The following TKFC variants were observed in gnomAD, a reference collection of about 807,000 sequenced individuals.
TKFC encodes triokinase/FMN cyclase.
Under a neutral mutation model 61.0 loss-of-function variants are expected in TKFC, and 46 were observed. That is an observed-to-expected ratio of 0.75 (90% confidence interval 0.60 to 0.96). TKFC has a LOEUF of 0.96. Among genes scored for constraint, TKFC ranks in the 50% least tolerant of loss-of-function variants. TKFC has a pLI of 0.00. For missense variants in TKFC, 715 were observed against 777.5 expected, an observed-to-expected ratio of 0.92 and a Z score of 0.96; for synonymous variants, 314 against 330.1, an observed-to-expected ratio of 0.95 and a Z score of 0.53.
At chr11:61,339,597 T>C (rs1856772087) in intron 5 of TKFC, 162 bp downstream of exon 5, 1 of 770,390 alleles carries the variant, frequency 1.3e-6, no homozygotes, top group Non-Finnish European at 2.0e-6. Context: ...CTCAGCTACC[T>C]AAGCCCAGAT....
Position 61,345,901 on chromosome 11 carries a change from G to A in TKFC, c.1530G>A (p.Lys510=), listed in dbSNP as rs765556317. The A allele has an allele frequency of 3.7e-6, 6 of 1,614,154 alleles. No individual in the cohort carries two copies. The Admixed American group carries it at 1.0e-4, about 27-fold the overall frequency. The stretch of plus-strand genomic sequence containing the variant: ...CGGGGCAGGAGCTCCAAGCCTGGAA[G>A]AGCCCAGGAGCTGATCTGTTACAAG... ...WAAGQELQAW[K]SPGADLLQVL... The change falls in exon 17 of 18, where the codon AAG becomes AAA. Residue 510 remains lysine, a synonymous_variant. Coordinates refer to ENST00000394900, the MANE Select transcript of TKFC (RefSeq NM_015533.4).
Position 61,347,671 on chromosome 11 carries a change from C to G in TKFC, c.*1168C>G. 2.0e-6 allele frequency: 2 copies of G among 985,396 alleles called. No individual in the cohort carries two copies. Among genetic ancestry groups the G allele is most frequent in the Non-Finnish European group, 2.4e-6 (2 of 829,956 alleles). 61.0% of individuals were successfully genotyped at this position (985,396 alleles called of 1,614,324 possible). On this transcript the variant is annotated 3_prime_UTR_variant, in exon 18 of 18. Transcript: ENST00000394900. ...GGAGACAAACAGCACATGCCTGGCA[C>G]ACATGTAGGGTAGGGAGTGGTTAAA...
chr11:61,353,175 A>G (rs763239461), downstream of TKFC: 76 of 1,554,824 alleles, frequency 4.9e-5, no homozygotes, highest in Non-Finnish European at 6.1e-5. Context: ...CGACTGTGCT[A>G]TGTGTGACCA....
At position 61,346,231 on chromosome 11, in the gene TKFC, G is replaced by C; in HGVS notation, c.1576-120G>C. 4 of 1,555,926 alleles carry C rather than the reference G, an allele frequency of 2.6e-6. No individual in the cohort carries two copies. Reference sequence around the variant, plus strand: ...ATTTGGTGACAGAGCAGAGGGTGCTGGCAGAGCCAGGGCAAGGGCGTGCAG... The same window carrying C: ...ATTTGGTGACAGAGCAGAGGGTGCTCGCAGAGCCAGGGCAAGGGCGTGCAG... On this transcript the variant is annotated intron_variant, in intron 17 of 17. Coordinates refer to ENST00000394900, the MANE Select transcript of TKFC (RefSeq NM_015533.4). This position sits in a 1 kb window ranked among gnomAD's most constrained non-coding sequence, Gnocchi z 4.1.
rs1234571297 is a variant in TKFC at position 61,348,199 on chromosome 11, T to G, written c.*1696T>G. On this transcript the variant is annotated 3_prime_UTR_variant, in exon 18 of 18. Transcript: ENST00000394900. ...TCTGTCATTTCCTGGCTGGGTGACCTCAACCTAGTCACCCTTTTTGAGTCT... is the reference window on the plus strand; with the variant it reads ...TCTGTCATTTCCTGGCTGGGTGACCGCAACCTAGTCACCCTTTTTGAGTCT... 1 of 985,300 alleles carries G rather than the reference T, an allele frequency of 1.0e-6. No individual in the cohort carries two copies. Among genetic ancestry groups the G allele is most frequent in the South Asian group, 4.7e-5 (1 of 21,286 alleles). The allele number at this position is 985,300 out of a possible 1,614,324, so 61.0% of individuals were successfully genotyped here.
chr11:61,352,033 A>C (rs560161721), downstream of TKFC: 1 of 152,330 alleles, frequency 6.6e-6, no homozygotes, highest in South Asian at 2.1e-4. Context: ...ACCCAGCTGT[A>C]ATAATCCTTT....
In TKFC at chr11:61,333,265, CG is replaced by C; in HGVS notation, c.-170del. 3.5e-6 allele frequency: 1 copy of C among 282,748 alleles called. No homozygotes were observed. Among genetic ancestry groups the C allele is most frequent in the Non-Finnish European group, 6.6e-6 (1 of 152,176 alleles). 17.5% of individuals were successfully genotyped at this position (282,748 alleles called of 1,614,324 possible). Reference sequence around the variant, plus strand: ...AGGACCCGGATGAGAGCGCACGCTTCGGGGTCTCCGGGAAGTCGCGGCGCCT... The same window carrying C: ...AGGACCCGGATGAGAGCGCACGCTTCGGGTCTCCGGGAAGTCGCGGCGCCT... On this transcript the variant is annotated 5_prime_UTR_variant, in exon 1 of 18. It removes the in-frame stop codon of an upstream open reading frame in the 5' UTR. Transcript: ENST00000394900.
intron 10 of TKFC, 92 bp downstream of exon 10, chr11:61,342,936 G>A (rs1031831191): frequency 6.2e-5 from 81 of 1,312,992 alleles, no homozygotes; most frequent in Middle Eastern, 3.8e-4. Flanking sequence ...CTGTGCGTCA[G>A]ATAAGCCTGA....
chr11:61,344,199 A>G lies in TKFC; in HGVS notation c.1166A>G (p.Glu389Gly). ...ERVCSTLLGL[E>G]EHLNALDRAA... ...GTGTGCAGCACTCTCCTGGGCCTGG[A>G]GGAACACCTGAATGCCCTGGACCGG... Residue 389 changes from glutamate to glycine, a missense_variant, in exon 13 of 18, where the codon GAG becomes GGG. Coordinates refer to ENST00000394900, the MANE Select transcript of TKFC (RefSeq NM_015533.4). 6.2e-7 allele frequency: 1 copy of G among 1,612,706 alleles called. No homozygotes were observed. The highest frequency in any genetic ancestry group is 1.3e-5 in the African/African-American group (1 of 74,990).
chr11:61,344,014 A>G, intron 12 of TKFC, 39 bp downstream of exon 12: 1 of 1,607,370 alleles, frequency 6.2e-7, no homozygotes, highest in Non-Finnish European at 8.5e-7. Flanking sequence ...CAGGCTTCCC[A>G]AAGGATGCAG....
downstream of TKFC, chr11:61,349,395 CAG>C: frequency 1.6e-6 from 1 of 614,446 alleles, no homozygotes. Flanking sequence ...GCAGAGTGGT[CAG>C]AGGGGCTGGG....
intron 8 of TKFC, 36 bp from the exon 9 acceptor site, chr11:61,342,538 C>A: frequency 6.2e-7 from 1 of 1,614,070 alleles, no homozygotes; most frequent in South Asian, 1.1e-5. Context: ...GGCCAAGGCC[C>A]CCCAGATGCA....
chr11:61,342,339 A>C, intron 7 of TKFC, 122 bp from the exon 8 acceptor site: 1 of 1,288,722 alleles, frequency 7.8e-7, no homozygotes, highest in Non-Finnish European at 1.1e-6. Context: ...TATTCTGTCC[A>C]TTTCCATCCC....
downstream of TKFC, chr11:61,353,340 T>A: frequency 1.4e-6 from 1 of 692,758 alleles, no homozygotes; most frequent in Non-Finnish European, 2.4e-6. Flanking sequence ...ATGACATGCT[T>A]AGCTACCATC....
At position 61,345,549 on chromosome 11, in the gene TKFC, C is replaced by G; in HGVS notation, c.1435C>G (p.Leu479Val). 6.2e-7 allele frequency: 1 copy of G among 1,613,124 alleles called. No individual in the cohort carries two copies. The highest frequency in any genetic ancestry group is 1.1e-5 in the South Asian group (1 of 91,088). Reference protein sequence around the residue: ...PAWSAAMDAGLEAMQKYGKAA... With the variant: ...PAWSAAMDAGVEAMQKYGKAA... ...CTGGTCTGCTGCCATGGATGCCGGC[C>G]TGGAAGCCATGCAGAAGTGAGCCAG... Residue 479 changes from leucine to valine, a missense_variant, in exon 15 of 18, where the codon CTG becomes GTG. Coordinates refer to ENST00000394900, the MANE Select transcript of TKFC (RefSeq NM_015533.4).
rs766866933 is a variant in TKFC at position 61,338,040 on chromosome 11, C to T, written c.103C>T (p.Arg35Cys). ...NPNLQLLQGHRVALRSDLDSL... is the reference protein window; with the variant it reads ...NPNLQLLQGHCVALRSDLDSL... The stretch of plus-strand genomic sequence containing the variant: ...CAACCTGCAGCTCCTGCAGGGCCAC[C>T]GCGTGGCCCTCCGTTCTGACCTGGA... Residue 35 changes from arginine (R) to cysteine (C), a missense_variant, in exon 3 of 18, where the codon CGC (arginine) becomes TGC (cysteine). Transcript: ENST00000394900. 24 of 1,613,222 alleles carry T rather than the reference C, an allele frequency of 1.5e-5. No homozygotes were observed. The highest frequency in any genetic ancestry group is 1.6e-4 in the Middle Eastern group (1 of 6,080).
In TKFC at chr11:61,347,217, C is replaced by A. The variant is rs548517569; in HGVS notation, c.*714C>A. The A allele has an allele frequency of 8.1e-6, 8 of 985,408 alleles. No homozygotes were observed. Among genetic ancestry groups the A allele is most frequent in the Admixed American group, 1.2e-4 (2 of 16,276 alleles). 61.0% of individuals were successfully genotyped at this position (985,408 alleles called of 1,614,324 possible). A position where few individuals can be genotyped will look rare whatever the true frequency, so the allele number is the denominator to read the frequency against. On this transcript the variant is annotated 3_prime_UTR_variant, in exon 18 of 18. Transcript: ENST00000394900. ...TTGGGACACCAGAAGGAAAAGAAAT[C>A]ATCATAGTCTAAGGTTCAGTTGTAG...
rs1357008171 is a variant in TKFC, at chr11:61,345,916, T to C, written c.1545T>C (p.Asp515=). Residue 515 remains aspartate (D), a synonymous_variant, in exon 17 of 18, where the codon GAT becomes GAC. Coordinates refer to ENST00000394900, the MANE Select transcript of TKFC (RefSeq NM_015533.4). ...ELQAWKSPGA[D]LLQVLTKAVK... ...AAGCCTGGAAGAGCCCAGGAGCTGA[T>C]CTGTTACAAGTCCTGACCAAAGCAG... is the stretch of plus-strand genomic sequence containing the variant. The C allele has an allele frequency of 5.0e-6, 8 of 1,613,902 alleles. No homozygotes were observed. The highest frequency in any genetic ancestry group is 6.8e-6 in the Non-Finnish European group (8 of 1,180,040).
chr11:61,340,889 C>T (rs1856823454), intron 5 of TKFC, among the ~76,000 whole-genome samples: 1 of 152,198 alleles, frequency 6.6e-6, no homozygotes, highest in African/African-American at 2.4e-5. Context: ...GCAGCCAGTC[C>T]TAGTGTGGAC....
Sources: allele counts gnomAD v4.1 joint callset (sites outside exome capture counted in the v4.1 genomes callset), GRCh38; gene constraint gnomAD v4.1.1; non-coding constraint Gnocchi (gnomAD v3.1); transcripts MANE v1.5; gene names NCBI Gene and HGNC (gene_info 2026-07-23, HGNC 2026-07-21).